TRAPPC10: variants seen among roughly 807,000 people sequenced by gnomAD.
The protein encoded by TRAPPC10 is TRAPP 130 kDa subunit.
A neutral mutation model predicts 125.5 loss-of-function variants in TRAPPC10; 23 were observed. The observed-to-expected ratio is 0.18, with a 90% CI of 0.13 to 0.26. The LOEUF (loss-of-function observed/expected upper bound fraction) is 0.26, where lower values mean the gene tolerates loss of function less well. Ranked by LOEUF, TRAPPC10 falls within the 10% of genes least tolerant of loss-of-function variation. The probability of loss-of-function intolerance (pLI) is 1.00; values close to 1 mark genes in which losing one functional copy is unlikely to be tolerated. For missense variants in TRAPPC10, 1,123 were observed against 1,308.4 expected (o/e 0.86, Z 2.19); for synonymous variants, 509 against 518.0 (o/e 0.98, Z 0.24).
At chr21:44,074,517 A>C in intron 8 of TRAPPC10, 47 bp downstream of exon 8, 3 of 1,610,868 alleles carry the variant, frequency 1.9e-6, no homozygotes, top group Non-Finnish European at 2.5e-6. Flanking sequence ...CTCTGCGGCC[A>C]TGCCTGGGTG....
intron 11 of TRAPPC10, 82 bp downstream of exon 11, chr21:44,077,866 G>A: frequency 9.3e-7 from 1 of 1,075,946 alleles, no homozygotes; most frequent in African/African-American, 1.6e-5. Context: ...TTAGTATAAA[G>A]TGCACATAAA....
Position 44,087,903 on chromosome 21 carries a change from G to T in TRAPPC10, c.2744G>T (p.Arg915Leu). The change falls in exon 17 of 23, where the codon CGC (arginine) becomes CTC (leucine). Residue 915 changes from arginine to leucine, a missense_variant. Around this residue, in one of 4 missense-constraint regions of TRAPPC10, gnomAD observed 840 missense variants for 902.0 expected, o/e 0.93. Coordinates refer to ENST00000291574, the MANE Select transcript of TRAPPC10 (RefSeq NM_003274.5). The surrounding 1 kb of genome is among the most constrained non-coding windows in gnomAD (Gnocchi z 4.6). ...RKHKDKQRTG[R>L]CMVTTDHKVS... ...CATAAGGACAAACAGAGAACTGGCC[G>T]CTGCATGGTTACCACAGACCACAAA... 1.9e-6 allele frequency: 3 copies of T among 1,613,950 alleles called. No individual in the cohort carries two copies. The highest frequency in any genetic ancestry group is 2.5e-6 in the Non-Finnish European group (3 of 1,179,960).
At position 44,059,226 on chromosome 21, in the gene TRAPPC10, C is replaced by G. The variant is rs1239960465; in HGVS notation, c.790+12C>G. On this transcript the variant is annotated intron_variant, in intron 6 of 22. Coordinates refer to ENST00000291574, the MANE Select transcript of TRAPPC10 (RefSeq NM_003274.5). This position sits in a 1 kb window ranked among gnomAD's most constrained non-coding sequence, Gnocchi z 4.4. ...CTTCGGGGCCGGGGGTGAGTAGTGG[C>G]ACTTCAGTAACGCATGCTTTTCTTA... is the stretch of plus-strand genomic sequence containing the variant. 6.3e-7 allele frequency: 1 copy of G among 1,576,804 alleles called. No individual in the cohort carries two copies. The highest frequency in any genetic ancestry group is 1.4e-5 in the African/African-American group (1 of 73,368).
chr21:44,020,843 G>C (rs964804186), intron 1 of TRAPPC10, among the ~76,000 whole-genome samples: 9 of 152,114 alleles, frequency 5.9e-5, no homozygotes, highest in African/African-American at 1.9e-4. Context: ...TTGAGGAGCT[G>C]AGGGCTGGTT....
intron 3 of TRAPPC10, among the ~76,000 whole-genome samples, chr21:44,040,628 GTGCC>G (rs1427434467): frequency 2.0e-5 from 3 of 151,970 alleles, no homozygotes; most frequent in African/African-American, 7.3e-5. Context: ...GTGAGCCACG[GTGCC>G]TTACAGGGTC....
At chr21:44,033,875 A>G (rs1276326694) in intron 2 of TRAPPC10, among the ~76,000 whole-genome samples, 1 of 151,984 alleles carries the variant, frequency 6.6e-6, no homozygotes, top group Non-Finnish European at 1.5e-5. Context: ...AAATAAATAA[A>G]AAGAAACTGT....
chr21:44,055,327 T>A (rs568653826), intron 4 of TRAPPC10, among the ~76,000 whole-genome samples: 8 of 152,254 alleles, frequency 5.3e-5, no homozygotes, highest in African/African-American at 1.9e-4. Context: ...CGGTGGCTTA[T>A]GCCTATAATC....
At chr21:44,060,138 C>T (rs960864647) in intron 6 of TRAPPC10, 1 of 152,222 alleles carries the variant, frequency 6.6e-6, no homozygotes, top group Non-Finnish European at 1.5e-5. Context: ...TGGATACTGG[C>T]TCATAGTGCT....
chr21:44,013,979 C>T (rs1289419662), intron 1 of TRAPPC10, among the ~76,000 whole-genome samples: 1 of 152,228 alleles, frequency 6.6e-6, no homozygotes, highest in Non-Finnish European at 1.5e-5. Context: ...TGAAGCCATG[C>T]GCAGTTCATG....
In TRAPPC10 at chr21:44,087,792, T is replaced by A; in HGVS notation, c.2633T>A (p.Phe878Tyr). The A allele has an allele frequency of 6.2e-7, 1 of 1,614,204 alleles. No homozygotes were observed. The highest frequency in any genetic ancestry group is 8.5e-7 in the Non-Finnish European group (1 of 1,180,034). The change falls in exon 17 of 23, where the codon TTT (phenylalanine) becomes TAT (tyrosine). Residue 878 changes from phenylalanine to tyrosine, a missense_variant. Transcript: ENST00000291574. This position sits in a 1 kb window ranked among gnomAD's most constrained non-coding sequence, Gnocchi z 4.6. ...PVAPAYHVIE[F>Y]ELEVLSLPSA... The stretch of plus-strand genomic sequence containing the variant: ...GCGCCTGCGTACCACGTGATCGAAT[T>A]TGAACTGGAAGTTCTCTCTTTACCT...
intron 1 of TRAPPC10, among the ~76,000 whole-genome samples, chr21:44,013,952 C>T (rs2031498100): frequency 6.6e-6 from 1 of 152,194 alleles, no homozygotes; most frequent in Non-Finnish European, 1.5e-5. Context: ...AGGGGCTTTC[C>T]CAGTGCTCAG....
At chr21:44,040,726 C>T (rs2034356882) in intron 3 of TRAPPC10, among the ~76,000 whole-genome samples, 1 of 151,564 alleles carries the variant, frequency 6.6e-6, no homozygotes, top group Admixed American at 6.6e-5. Flanking sequence ...AGGCTGACGC[C>T]ATCCTCCCAC....
intron 9 of TRAPPC10, among the ~76,000 whole-genome samples, chr21:44,075,486 G>A (rs993844798): frequency 2.0e-5 from 3 of 151,396 alleles, no homozygotes; most frequent in Non-Finnish European, 2.9e-5. Context: ...ACGACCTGAC[G>A]ATTTTTTTTT....
At chr21:44,076,047 C>CAA (rs58237566) in intron 9 of TRAPPC10, among the ~76,000 whole-genome samples, 1 of 137,190 alleles carries the variant, frequency 7.3e-6, no homozygotes, top group Non-Finnish European at 1.7e-5. Flanking sequence ...AAAACTCTGT[C>CAA]AAAAAAAAAA....
chr21:44,048,861 A>G (rs2035045901), intron 3 of TRAPPC10, among the ~76,000 whole-genome samples: 1 of 137,562 alleles, frequency 7.3e-6, no homozygotes, highest in Non-Finnish European at 1.5e-5. Context: ...CTGTCACTTC[A>G]TCTTGGCTAG....
In TRAPPC10 at chr21:44,063,527, TG is replaced by T. The variant is rs766154456; in HGVS notation, c.791-10del. ...TGCAATCAGCACCTTTCATGATGTG[TG>T]TTTGTTTAGATGGTGCCAACTGGCT... On this transcript the variant is annotated splice_polypyrimidine_tract_variant and intron_variant, in intron 6 of 22. Coordinates refer to ENST00000291574, the MANE Select transcript of TRAPPC10 (RefSeq NM_003274.5). The surrounding 1 kb of genome is among the most constrained non-coding windows in gnomAD (Gnocchi z 4.4). The T allele has an allele frequency of 3.7e-6, 6 of 1,613,754 alleles. No individual in the cohort carries two copies. In the East Asian group the frequency reaches 1.3e-4, roughly 36 times the overall value.
At chr21:44,052,653 C>T (rs1014566023) in intron 4 of TRAPPC10, among the ~76,000 whole-genome samples, 177 bp downstream of exon 4, 2 of 151,960 alleles carry the variant, frequency 1.3e-5, no homozygotes, top group Non-Finnish European at 1.5e-5. Context: ...GCAAAGAACT[C>T]GAAGCAGTCA....
intron 15 of TRAPPC10, among the ~76,000 whole-genome samples, chr21:44,085,372 A>G (rs1292319408): frequency 1.3e-5 from 2 of 152,172 alleles, no homozygotes; most frequent in African/African-American, 2.4e-5. Context: ...ATAAATATGT[A>G]TATAATTTCC....
At chr21:44,056,286 C>G (rs1175927465) in intron 5 of TRAPPC10, among the ~76,000 whole-genome samples, 1 of 152,112 alleles carries the variant, frequency 6.6e-6, no homozygotes, top group African/African-American at 2.4e-5. Context: ...CACTTAAACG[C>G]AGAAGGAAAG....
Sources: allele counts gnomAD v4.1 joint callset (sites outside exome capture counted in the v4.1 genomes callset), GRCh38; gene constraint gnomAD v4.1.1; regional missense constraint gnomAD v4.1.1; non-coding constraint Gnocchi (gnomAD v3.1); transcripts MANE v1.5; gene names NCBI Gene and HGNC (gene_info 2026-07-23, HGNC 2026-07-21).